Variants in RSF1 observed in about 807,000 individuals in gnomAD.
RSF1 encodes the protein remodeling and spacing factor 1.
RSF1 carries 13 observed loss-of-function variants against 145.2 expected under a neutral mutation model. The ratio of observed to expected loss-of-function variants is 0.09; its 90% CI spans 0.06 to 0.14. The LOEUF (loss-of-function observed/expected upper bound fraction) is 0.14, where lower values mean the gene tolerates loss of function less well. RSF1 is among the 10% of genes least tolerant of loss of function. RSF1 has a pLI of 1.00. For missense variants in RSF1, 1,517 were observed against 1,718.2 expected (o/e 0.88, Z 2.07); for synonymous variants, 577 against 592.6 (o/e 0.97, Z 0.38).
intron 5 of RSF1, among the ~76,000 whole-genome samples, chr11:77,707,255 C>T (rs1240337645): frequency 2.0e-5 from 3 of 152,136 alleles, no homozygotes; most frequent in Admixed American, 6.5e-5. Flanking sequence ...ATAACTGAAA[C>T]GGTAACAAAA....
At position 77,661,865 on chromosome 11, in the gene RSF1, C is replaced by T. The variant is rs1231291128; in HGVS notation, c.*5052G>A. The T allele has an allele frequency of 6.6e-6, 1 of 151,338 alleles. No individual in the cohort carries two copies. The highest frequency in any genetic ancestry group is 2.4e-5 in the African/African-American group (1 of 41,178). 9.4% of individuals were successfully genotyped at this position (151,338 alleles called of 1,614,324 possible). On this transcript the variant is annotated 3_prime_UTR_variant, in exon 16 of 16. Transcript: ENST00000308488. Reference sequence around the variant, plus strand: ...ATGTTCTGGCTGTTCATGAGCATGACGTGCAAGCTGCTGGTCTATGACCAG... The same window carrying T: ...ATGTTCTGGCTGTTCATGAGCATGATGTGCAAGCTGCTGGTCTATGACCAG...
upstream of RSF1, among the ~76,000 whole-genome samples, chr11:77,822,091 T>G (rs1948935982): frequency 6.6e-6 from 1 of 152,186 alleles, no homozygotes; most frequent in African/African-American, 2.4e-5. Flanking sequence ...GTCTATAATT[T>G]ATTACTTTGA....
At chr11:77,734,847 A>T (rs1961302237) in intron 4 of RSF1, 1 of 1,588,116 alleles carries the variant, frequency 6.3e-7, no homozygotes. Context: ...TCTCCTCATG[A>T]GATTGGTGAA....
chr11:77,754,271 C>T (rs1948093906), intron 2 of RSF1, among the ~76,000 whole-genome samples: 1 of 152,098 alleles, frequency 6.6e-6, no homozygotes, highest in African/African-American at 2.4e-5. Flanking sequence ...TTAAGTACTA[C>T]TCTGGATCGG....
Position 77,737,621 on chromosome 11 carries a change from G to GGGTGTGTGTGTGTGTGTGTGTGT in RSF1, c.578+3109_578+3110insACACACACACACACACACACACC, listed in dbSNP as rs1491534916. Among the ~76,000 whole-genome samples the GGGTGTGTGTGTGTGTGTGTGTGT allele has an allele frequency of 7.5e-5, 7 of 93,546 alleles. No individual in the cohort carries two copies. In the East Asian group the frequency reaches 8.4e-4, roughly 11 times the overall value. The allele number at this position is 93,546 out of a possible 152,430, so 61.4% of individuals were successfully genotyped here. On this transcript the variant is annotated intron_variant, in intron 4 of 15. Transcript: ENST00000308488. ...GAAAGAAGTTTTATGTGTTTTGGGG[G>GGGTGTGTGTGTGTGTGTGTGTGT]GTGTGTGTGTGTGTGTGTGTGTGTG...
At chr11:77,846,864 C>G in the RSF1 span, among the ~76,000 whole-genome samples, 6 of 151,780 alleles carry the variant, frequency 4.0e-5, no homozygotes, top group African/African-American at 1.5e-4. Flanking sequence ...TTGTAGGAAC[C>G]CTGAATAATC....
At chr11:77,755,434 G>T (rs143629893) in intron 2 of RSF1, among the ~76,000 whole-genome samples, 1 of 152,294 alleles carries the variant, frequency 6.6e-6, no homozygotes, top group East Asian at 1.9e-4. Context: ...TATTAAAATT[G>T]GGAGAAGGAA....
intron 4 of RSF1, among the ~76,000 whole-genome samples, chr11:77,733,261 GAAGT>G (rs1961253303): frequency 6.6e-6 from 1 of 152,106 alleles, no homozygotes; most frequent in Admixed American, 6.6e-5. Flanking sequence ...AATTCTAATG[GAAGT>G]AAGGTAATAC....
At chr11:77,688,161 G>A (rs563793980) in intron 9 of RSF1, among the ~76,000 whole-genome samples, 127 of 152,190 alleles carry the variant, frequency 8.3e-4, no homozygotes, top group African/African-American at 2.8e-3. Flanking sequence ...GCATTGTGGC[G>A]CGTGCCTGTA....
At chr11:77,711,635 A>G (rs898593552) in intron 5 of RSF1, among the ~76,000 whole-genome samples, 1 of 152,052 alleles carries the variant, frequency 6.6e-6, no homozygotes, top group African/African-American at 2.4e-5. Context: ...GAGCCATTGC[A>G]CTCCAGCCCG....
chr11:77,752,306 C>T (rs1948071057), intron 2 of RSF1, among the ~76,000 whole-genome samples: 1 of 152,198 alleles, frequency 6.6e-6, no homozygotes, highest in African/African-American at 2.4e-5. Flanking sequence ...GACACTCCAT[C>T]TTCCCTTTTT....
At chr11:77,820,391 G>T in intron 1 of RSF1, 137 bp downstream of exon 1, 2 of 939,990 alleles carry the variant, frequency 2.1e-6, no homozygotes, top group Non-Finnish European at 3.1e-6. Flanking sequence ...GAGAAGACCA[G>T]CCCGGCGGAG....
At chr11:77,716,717 C>T (rs952882928) in intron 5 of RSF1, among the ~76,000 whole-genome samples, 8 of 152,168 alleles carry the variant, frequency 5.3e-5, no homozygotes, top group African/African-American at 1.9e-4. Flanking sequence ...CAACAACGTA[C>T]TGTATACCTG....
chr11:77,706,023 T>C (rs1960539465), intron 5 of RSF1, among the ~76,000 whole-genome samples: 1 of 152,064 alleles, frequency 6.6e-6, no homozygotes, highest in Admixed American at 6.5e-5. Context: ...CCCAGCACTT[T>C]GGGAGGCTAA....
chr11:77,761,208 G>A (rs1023474817), intron 2 of RSF1, among the ~76,000 whole-genome samples: 1 of 152,056 alleles, frequency 6.6e-6, no homozygotes, highest in Non-Finnish European at 1.5e-5. Context: ...CAAAGTGCTG[G>A]GATTACAGGC....
the RSF1 span, among the ~76,000 whole-genome samples, chr11:77,870,833 T>C: frequency 3.3e-5 from 5 of 152,240 alleles, no homozygotes; most frequent in African/African-American, 7.2e-5. Context: ...TATATACTTA[T>C]AACCATTTTA....
chr11:77,817,501 G>A (rs1948792964), intron 1 of RSF1, among the ~76,000 whole-genome samples: 1 of 152,058 alleles, frequency 6.6e-6, no homozygotes, highest in East Asian at 1.9e-4. Flanking sequence ...AGCAAATTTC[G>A]GCTACCACTG....
At position 77,725,525 on chromosome 11, in the gene RSF1, C is replaced by T. The variant is rs566005685; in HGVS notation, c.733+20G>A. The stretch of plus-strand genomic sequence containing the variant: ...GAAGAGATTACAAAACAAAGCAAAA[C>T]AAAACACACAAAAAAAAACCTTGTT... On this transcript the variant is annotated intron_variant, in intron 5 of 15. Coordinates refer to ENST00000308488, the MANE Select transcript of RSF1 (RefSeq NM_016578.4). 25 of 1,518,202 alleles carry T rather than the reference C, an allele frequency of 1.6e-5. No homozygotes were observed. The South Asian group carries it at 2.4e-4, about 15-fold the overall frequency. 94.0% of individuals were successfully genotyped at this position (1,518,202 alleles called of 1,614,324 possible).
intron 14 of RSF1, among the ~76,000 whole-genome samples, chr11:77,673,459 G>C (rs1959608920): frequency 6.6e-6 from 1 of 152,322 alleles, no homozygotes; most frequent in African/African-American, 2.4e-5. Flanking sequence ...ATAGGTTGAA[G>C]TGGTTCTCAT....
Sources: gnomAD v4.1 joint callset for allele counts (sites outside exome capture counted in the v4.1 genomes callset) on GRCh38, gnomAD v4.1.1 for gene constraint, MANE v1.5 for transcripts, NCBI Gene and HGNC (gene_info 2026-07-23, HGNC 2026-07-21) for gene names.